MELK: variants seen among roughly 807,000 people sequenced by gnomAD.
MELK encodes pEg3 kinase.
A neutral mutation model predicts 85.0 loss-of-function variants in MELK; 81 were observed. That is an observed-to-expected ratio of 0.95 (90% CI 0.80 to 1.15). The LOEUF (loss-of-function observed/expected upper bound fraction) is 1.15, where lower values mean the gene tolerates loss of function less well. Among genes scored for constraint, MELK ranks in the 50% most tolerant of loss-of-function variants. MELK has a pLI of 0.00. For synonymous variants in MELK, 252 were observed against 265.0 expected, an observed-to-expected ratio of 0.95 and a Z score of 0.48; for missense variants, 754 against 777.5, an observed-to-expected ratio of 0.97 and a Z score of 0.36.
At chr9:36,651,998 AT>A in intron 12 of MELK, 121 bp downstream of exon 12, 1 of 865,418 alleles carries the variant, frequency 1.2e-6, no homozygotes, top group Non-Finnish European at 1.6e-6. Flanking sequence ...TATGATTTCA[AT>A]ATTTTTGATG....
chr9:36,617,442 C>T (rs942298914), intron 8 of MELK, among the ~76,000 whole-genome samples: 2 of 151,944 alleles, frequency 1.3e-5, no homozygotes, highest in Non-Finnish European at 2.9e-5. Context: ...AAGTGATCCT[C>T]CAGCCTCAGC....
At chr9:36,644,347 GT>G (rs1830040598) in intron 11 of MELK, among the ~76,000 whole-genome samples, 1 of 152,060 alleles carries the variant, frequency 6.6e-6, no homozygotes, top group African/African-American at 2.4e-5. Context: ...TCTATCACCT[GT>G]GATTTATGTT....
Position 36,665,379 on chromosome 9 carries a change from G to T in MELK, c.1206G>T (p.Gly402=). Residue 402 remains glycine, a synonymous_variant, in exon 14 of 18, where the codon GGG becomes GGT. Transcript: ENST00000298048. ...CCAAGTACTGGACAGAATCAAATGGGGTGGAATCTAAATCATTAACTCCAG... is the reference window on the plus strand; with the variant it reads ...CCAAGTACTGGACAGAATCAAATGGTGTGGAATCTAAATCATTAACTCCAG... ...QFTKYWTESN[G]VESKSLTPAL... is the part of the protein sequence containing the mutation. 1 of 1,612,686 alleles carries T rather than the reference G, an allele frequency of 6.2e-7. No homozygotes were observed. Among genetic ancestry groups the T allele is most frequent in the Non-Finnish European group, 8.5e-7 (1 of 1,179,382 alleles).
At chr9:36,674,092 C>G (rs903951913) in intron 16 of MELK, among the ~76,000 whole-genome samples, 3 of 152,076 alleles carry the variant, frequency 2.0e-5, no homozygotes, top group Non-Finnish European at 4.4e-5. Flanking sequence ...GAACTCAAAC[C>G]TGAAAGATAT....
rs1833459022 is a variant in MELK at position 36,677,667 on chromosome 9, A to T, written c.*330A>T. On this transcript the variant is annotated 3_prime_UTR_variant, in exon 18 of 18. Coordinates refer to ENST00000298048, the MANE Select transcript of MELK (RefSeq NM_014791.4). ...ATGTGTAATTTCTTTCTGAAATAAAACCATTTGTGAATATAGCAGGCTTCT... is the reference window on the plus strand; with the variant it reads ...ATGTGTAATTTCTTTCTGAAATAAATCCATTTGTGAATATAGCAGGCTTCT... 5.9e-6 allele frequency: 1 copy of T among 170,868 alleles called. No homozygotes were observed. Among genetic ancestry groups the T allele is most frequent in the Non-Finnish European group, 1.2e-5 (1 of 80,842 alleles). The allele number at this position is 170,868 out of a possible 1,614,324, so 10.6% of individuals were successfully genotyped here.
In MELK at chr9:36,670,986, G is replaced by A. The variant is rs1208759919; in HGVS notation, c.1506-12G>A. ...CAGCTCTACTTGTGCCTTGTTTTAT[G>A]TTTTGTTTCAGGTGCCGCTCAGTGG... is the stretch of plus-strand genomic sequence containing the variant. On this transcript the variant is annotated splice_polypyrimidine_tract_variant and intron_variant, in intron 15 of 17. Coordinates refer to ENST00000298048, the MANE Select transcript of MELK (RefSeq NM_014791.4). The A allele has an allele frequency of 2.5e-6, 4 of 1,597,086 alleles. No homozygotes were observed. The highest frequency in any genetic ancestry group is 3.5e-5 in the Admixed American group (2 of 56,946).
chr9:36,664,015 C>T (rs1203349396), intron 13 of MELK, among the ~76,000 whole-genome samples: 3 of 152,250 alleles, frequency 2.0e-5, no homozygotes, highest in Admixed American at 6.5e-5. Context: ...CCATCTTTCA[C>T]GTATCGTATG....
intron 4 of MELK, among the ~76,000 whole-genome samples, chr9:36,591,694 G>A (rs1823601109): frequency 6.6e-6 from 1 of 152,204 alleles, no homozygotes; most frequent in South Asian, 2.1e-4. Context: ...ACTTTGGGAG[G>A]CCAAGGTGGG....
chr9:36,658,479 G>T (rs1027219082), intron 13 of MELK, among the ~76,000 whole-genome samples: 1 of 151,992 alleles, frequency 6.6e-6, no homozygotes, highest in Non-Finnish European at 1.5e-5. Context: ...AATTTGTTTT[G>T]TTCTTTTAAA....
chr9:36,575,794 T>C (rs1441234929), intron 1 of MELK, among the ~76,000 whole-genome samples: 1 of 152,192 alleles, frequency 6.6e-6, no homozygotes, highest in Non-Finnish European at 1.5e-5. Context: ...TACAAATTGC[T>C]TTCTCTTTCT....
intron 8 of MELK, among the ~76,000 whole-genome samples, chr9:36,626,414 C>T (rs1827933868): frequency 1.3e-5 from 2 of 152,250 alleles, no homozygotes; most frequent in African/African-American, 4.8e-5. Flanking sequence ...AGTAAACTTA[C>T]TGAGGCTCCA....
At chr9:36,603,194 TC>T (rs1825111950) in intron 7 of MELK, among the ~76,000 whole-genome samples, 1 of 151,960 alleles carries the variant, frequency 6.6e-6, no homozygotes, top group African/African-American at 2.4e-5. Context: ...GACTGAGGAG[TC>T]ATTTGAGATA....
intron 10 of MELK, among the ~76,000 whole-genome samples, chr9:36,635,718 A>T (rs944824239): frequency 2.6e-5 from 4 of 152,166 alleles, no homozygotes; most frequent in African/African-American, 7.2e-5. Flanking sequence ...CGTATATGTA[A>T]AAAAACATAA....
chr9:36,577,683 C>T (rs995316663), intron 1 of MELK, among the ~76,000 whole-genome samples: 8 of 151,840 alleles, frequency 5.3e-5, no homozygotes, highest in African/African-American at 1.5e-4. Context: ...GACACAGCTT[C>T]GCTTGTTACC....
intron 8 of MELK, 68 bp downstream of exon 8, chr9:36,607,741 C>A (rs191565246): frequency 1.1e-5 from 12 of 1,071,638 alleles, no homozygotes; most frequent in Admixed American, 4.0e-5. Flanking sequence ...TGCTTTCATT[C>A]ATAAATGTAC....
chr9:36,577,498 A>C (rs1382358276), intron 1 of MELK, among the ~76,000 whole-genome samples: 1 of 151,888 alleles, frequency 6.6e-6, no homozygotes, highest in African/African-American at 2.4e-5. Context: ...CCTGGGCACC[A>C]GAGCAAGACT....
At chr9:36,585,096 A>T (rs889480251) in intron 3 of MELK, among the ~76,000 whole-genome samples, 4 of 151,904 alleles carry the variant, frequency 2.6e-5, no homozygotes, top group Non-Finnish European at 5.9e-5. Flanking sequence ...TTTTTCCTCT[A>T]TGTGAATTCT....
chr9:36,587,440 C>G (rs1222787784), intron 3 of MELK, among the ~76,000 whole-genome samples: 1 of 151,582 alleles, frequency 6.6e-6, no homozygotes, highest in Non-Finnish European at 1.5e-5. Context: ...CCTCAGCCTC[C>G]CATGTAGTTG....
chr9:36,669,195 A>G, intron 14 of MELK, 115 bp from the exon 15 acceptor site: 2 of 563,146 alleles, frequency 3.6e-6, no homozygotes, highest in Non-Finnish European at 2.9e-6. Flanking sequence ...AGGTCAAGTG[A>G]TTATACTGTT....
Sources: gnomAD v4.1 joint callset for allele counts (sites outside exome capture counted in the v4.1 genomes callset) on GRCh38, gnomAD v4.1.1 for gene constraint, MANE v1.5 for transcripts, NCBI Gene and HGNC (gene_info 2026-07-23, HGNC 2026-07-21) for gene names.